The following ZNF718 variants were observed in gnomAD, a reference collection of about 807,000 sequenced individuals.
ZNF718 encodes the protein zinc finger protein 718.
ZNF718 carries 3 observed loss-of-function variants against 2.6 expected under a neutral mutation model. The ratio of observed to expected loss-of-function variants is 1.16; its 90% CI spans 0.53 to 3.01. The LOEUF (loss-of-function observed/expected upper bound fraction) is 3.01, where lower values mean the gene tolerates loss of function less well. ZNF718 is among the 30% of genes most tolerant of loss of function. The probability of loss-of-function intolerance (pLI) is 0.03; values close to 1 mark genes in which losing one functional copy is unlikely to be tolerated. For missense variants in ZNF718, 468 were observed against 230.0 expected (o/e 2.03, Z -6.69); for synonymous variants, 135 against 77.9 (o/e 1.73, Z -3.86).
At chr4:133,372 TA>T (rs1715412419) in intron 3 of ZNF718, among the ~76,000 whole-genome samples, 1 of 152,012 alleles carries the variant, frequency 6.6e-6, no homozygotes, top group Non-Finnish European at 1.5e-5. Flanking sequence ...ACTCACCTTC[TA>T]GATTTCTTAA....
At chr4:189,973 A>G (rs1460115535) in intron 3 of ZNF718, among the ~76,000 whole-genome samples, 2 of 152,170 alleles carry the variant, frequency 1.3e-5, no homozygotes, top group Non-Finnish European at 2.9e-5. Context: ...ATTGTATGTA[A>G]TCAGTTTTAC....
intron 3 of ZNF718, among the ~76,000 whole-genome samples, chr4:180,294 G>A (rs577079063): frequency 6.6e-6 from 1 of 152,154 alleles, no homozygotes; most frequent in Non-Finnish European, 1.5e-5. Context: ...TTATAATCCA[G>A]GTTCAAAAAA....
At chr4:188,484 T>C (rs1717615453) in intron 3 of ZNF718, among the ~76,000 whole-genome samples, 1 of 152,146 alleles carries the variant, frequency 6.6e-6, no homozygotes, top group Admixed American at 6.5e-5. Flanking sequence ...TGAGGTGCAG[T>C]GGAAGTGGGG....
At chr4:139,041 C>A (rs561964841) in intron 3 of ZNF718, among the ~76,000 whole-genome samples, 22 of 152,226 alleles carry the variant, frequency 1.4e-4, no homozygotes, top group African/African-American at 5.3e-4. Flanking sequence ...TCCTTATAGG[C>A]AGTTTCCAGA....
intron 3 of ZNF718, among the ~76,000 whole-genome samples, chr4:149,391 T>C (rs1423609999): frequency 6.6e-6 from 1 of 152,218 alleles, no homozygotes; most frequent in Non-Finnish European, 1.5e-5. Context: ...AGGATTGTTT[T>C]TATGGTACAT....
chr4:141,817 A>G (rs1176055279), intron 3 of ZNF718, among the ~76,000 whole-genome samples: 1 of 152,198 alleles, frequency 6.6e-6, no homozygotes, highest in East Asian at 1.9e-4. Flanking sequence ...TAAATACCAA[A>G]ACAATACAAT....
chr4:156,551 C>A (rs1553813704), intron 3 of ZNF718, among the ~76,000 whole-genome samples: 1 of 152,060 alleles, frequency 6.6e-6, no homozygotes, highest in Non-Finnish European at 1.5e-5. Flanking sequence ...ATTATATTGA[C>A]ATTGTTATGC....
downstream of ZNF718, among the ~76,000 whole-genome samples, chr4:166,718 T>C (rs1350604354): frequency 6.6e-6 from 1 of 152,172 alleles, no homozygotes; most frequent in Non-Finnish European, 1.5e-5. Context: ...TTCTTGTAAA[T>C]TTGTTTGAGT....
At position 124,734 on chromosome 4, in the gene ZNF718, T is replaced by G; in HGVS notation, c.3+61T>G. The G allele has an allele frequency of 3.8e-6, 6 of 1,597,588 alleles. No homozygotes were observed. In the South Asian group the frequency reaches 6.7e-5, roughly 18 times the overall value. ...AGGCCTCATCGGAACCGGCGGGAAA[T>G]GGCGGCGGTGGGAGGAGTCTGTGAA... On this transcript the variant is annotated intron_variant, in intron 1 of 3. Transcript: ENST00000510175.
At chr4:187,291 A>G (rs1334733330) in intron 3 of ZNF718, among the ~76,000 whole-genome samples, 1 of 150,420 alleles carries the variant, frequency 6.6e-6, no homozygotes, top group Non-Finnish European at 1.5e-5. Flanking sequence ...CAGTGGTGTG[A>G]TCTCGGCTCA....
intron 3 of ZNF718, among the ~76,000 whole-genome samples, chr4:172,592 A>G (rs1365956347): frequency 6.6e-6 from 1 of 152,192 alleles, no homozygotes; most frequent in Non-Finnish European, 1.5e-5. Context: ...CACATTGCAA[A>G]ACCAGTATTA....
At chr4:144,965 C>CT (rs1217241465) in intron 3 of ZNF718, among the ~76,000 whole-genome samples, 1 of 151,434 alleles carries the variant, frequency 6.6e-6, no homozygotes, top group Non-Finnish European at 1.5e-5. Context: ...CTATATGTCT[C>CT]TTTTGTTTGA....
intron 3 of ZNF718, among the ~76,000 whole-genome samples, chr4:178,943 T>C (rs1342454220): frequency 5.3e-5 from 8 of 152,222 alleles, no homozygotes; most frequent in Admixed American, 5.2e-4. Context: ...CTGCTTTTAA[T>C]GTAATACTCA....
chr4:171,119 C>G (rs1387511283), intron 3 of ZNF718, among the ~76,000 whole-genome samples: 1 of 152,100 alleles, frequency 6.6e-6, no homozygotes, highest in East Asian at 1.9e-4. Flanking sequence ...CACTCCAGAC[C>G]CTCTTTGCCT....
chr4:162,527 A>T lies in ZNF718; in HGVS notation c.*405A>T, dbSNP rs554028115. The T allele has an allele frequency of 3.2e-5, 5 of 157,464 alleles. No individual in the cohort carries two copies. The highest frequency in any genetic ancestry group is 1.2e-4 in the African/African-American group (5 of 41,568). The allele number at this position is 157,464 out of a possible 1,614,324, so 9.8% of individuals were successfully genotyped here. On this transcript the variant is annotated 3_prime_UTR_variant, in exon 4 of 4. Transcript: ENST00000510175. ...AGAGTTTGTACTTAATAAAAGGATTATAAATGTAGTATTTGTTGAAAGACC... is the reference window on the plus strand; with the variant it reads ...AGAGTTTGTACTTAATAAAAGGATTTTAAATGTAGTATTTGTTGAAAGACC...
At position 161,829 on chromosome 4, in the gene ZNF718, C is replaced by G. The variant is rs1553815395; in HGVS notation, c.1144C>G (p.Leu382Val). The G allele has an allele frequency of 2.6e-6, 2 of 780,718 alleles. No homozygotes were observed. Among genetic ancestry groups the G allele is most frequent in the South Asian group, 2.7e-5 (2 of 74,602 alleles). 48.4% of individuals were successfully genotyped at this position (780,718 alleles called of 1,614,324 possible). A position where few individuals can be genotyped will look rare whatever the true frequency, so the allele number is the denominator to read the frequency against. The change falls in exon 4 of 4, where the codon CTT becomes GTT. Residue 382 changes from leucine to valine, a missense_variant. By Grantham distance (32) the Leu-to-Val change is conservative (BLOSUM62 1). Coordinates refer to ENST00000510175, the MANE Select transcript of ZNF718 (RefSeq NM_001039127.6). ...CGKAFNWSSTLNVHKRIHSGK... is the reference protein window; with the variant it reads ...CGKAFNWSSTVNVHKRIHSGK... Reference sequence around the variant, plus strand: ...AAAAGCCTTTAATTGGTCCTCAACCCTTAATGTACACAAGAGAATTCACTC... The same window carrying G: ...AAAAGCCTTTAATTGGTCCTCAACCGTTAATGTACACAAGAGAATTCACTC...
At chr4:180,848 T>G (rs1581478735) in intron 3 of ZNF718, among the ~76,000 whole-genome samples, 2 of 152,206 alleles carry the variant, frequency 1.3e-5, no homozygotes, top group East Asian at 3.8e-4. Context: ...AATGCTTTAT[T>G]CGTGTTGCAT....
intron 3 of ZNF718, among the ~76,000 whole-genome samples, chr4:158,007 C>T (rs114181387): frequency 2.0e-5 from 3 of 152,066 alleles, no homozygotes; most frequent in Non-Finnish European, 2.9e-5. Context: ...ATATTTGAAA[C>T]CCTAATGTGA....
chr4:158,611 A>G (rs1553814199), intron 3 of ZNF718, among the ~76,000 whole-genome samples: 1 of 151,964 alleles, frequency 6.6e-6, no homozygotes, highest in Non-Finnish European at 1.5e-5. Flanking sequence ...CTTTAGTTGC[A>G]TGTTGAAATT....
Sources: allele counts gnomAD v4.1 joint callset (sites outside exome capture counted in the v4.1 genomes callset), GRCh38; gene constraint gnomAD v4.1.1; transcripts MANE v1.5; gene names NCBI Gene and HGNC (gene_info 2026-07-23, HGNC 2026-07-21).